Variants in GSG1L observed in about 807,000 individuals in gnomAD.
The protein encoded by GSG1L is GSG1 like, also known as germ cell-specific gene 1-like protein.
Under a neutral mutation model 42.1 loss-of-function variants are expected in GSG1L, and 24 were observed. The observed-to-expected ratio is 0.57, with a 90% CI of 0.41 to 0.80. The LOEUF is 0.80. GSG1L is among the 30% of genes least tolerant of loss of function. The pLI is 0.00. For missense variants in GSG1L, 445 were observed against 472.2 expected (o/e 0.94, Z 0.53); for synonymous variants, 215 against 203.5 (o/e 1.06, Z -0.48).
rs191020452 is a variant in GSG1L, at chr16:27,833,045, C to T, written c.663-4089G>A. The stretch of plus-strand genomic sequence containing the variant: ...GAACTTTTTGCCTAGCCCTAGATTC[C>T]AAAGATTTTCTCTTACTTTTCTAAA... On this transcript the variant is annotated intron_variant, in intron 4 of 6. Coordinates refer to ENST00000447459, the MANE Select transcript of GSG1L (RefSeq NM_001109763.2). Among the ~76,000 whole-genome samples, 4 of 152,244 alleles carry T rather than the reference C, an allele frequency of 2.6e-5. No homozygotes were observed. The East Asian group carries it at 5.8e-4, about 22-fold the overall frequency.
chr16:27,993,786 G>A (rs1019881180), intron 1 of GSG1L, among the ~76,000 whole-genome samples: 4 of 152,178 alleles, frequency 2.6e-5, no homozygotes, highest in Non-Finnish European at 5.9e-5. Context: ...GATAAGAAAG[G>A]CTACACAGAT....
chr16:27,915,439 G>C (rs1326996055), intron 2 of GSG1L, among the ~76,000 whole-genome samples: 4 of 152,146 alleles, frequency 2.6e-5, no homozygotes, highest in Non-Finnish European at 5.9e-5. Context: ...ACAGGGCAGG[G>C]CGCTGAGCAA....
intron 2 of GSG1L, among the ~76,000 whole-genome samples, chr16:27,910,152 G>A (rs979488315): frequency 3.4e-5 from 5 of 145,856 alleles, no homozygotes; most frequent in Non-Finnish European, 6.0e-5. Context: ...TAGTAGACAC[G>A]GGTTTTCACC....
chr16:27,967,647 C>T (rs541734572), intron 1 of GSG1L, among the ~76,000 whole-genome samples: 1 of 152,218 alleles, frequency 6.6e-6, no homozygotes, highest in Non-Finnish European at 1.5e-5. Flanking sequence ...AAGTGTTGGT[C>T]AGGCACGGTG....
chr16:27,979,700 A>AG (rs2085298699), intron 1 of GSG1L, among the ~76,000 whole-genome samples: 1 of 46,568 alleles, frequency 2.1e-5, no homozygotes, highest in African/African-American at 7.4e-5. Flanking sequence ...GGAAGGAAGG[A>AG]AGGAAGGAAG....
intron 1 of GSG1L, among the ~76,000 whole-genome samples, chr16:28,053,907 C>T (rs1316356574): frequency 6.6e-6 from 1 of 152,180 alleles, no homozygotes; most frequent in Non-Finnish European, 1.5e-5. Context: ...CTTCTCATCT[C>T]TCTCTGGGTC....
chr16:27,808,376 T>G (rs1422181414), intron 5 of GSG1L, among the ~76,000 whole-genome samples: 1 of 152,100 alleles, frequency 6.6e-6, no homozygotes. Context: ...CATGAGCCAC[T>G]GTGCTCAGCT....
intron 6 of GSG1L, among the ~76,000 whole-genome samples, chr16:27,803,773 A>ATC (rs2082911955): frequency 1.6e-5 from 1 of 64,218 alleles, no homozygotes; most frequent in Admixed American, 1.8e-4. Flanking sequence ...AGACATATAT[A>ATC]TATATATATA....
chr16:27,916,601 G>C (rs2084458789), intron 2 of GSG1L, among the ~76,000 whole-genome samples: 1 of 151,594 alleles, frequency 6.6e-6, no homozygotes, highest in South Asian at 2.1e-4. Flanking sequence ...GGGACGGCAG[G>C]CATGAACTAC....
At chr16:27,910,789 G>C (rs542884181) in intron 2 of GSG1L, among the ~76,000 whole-genome samples, 210 of 152,314 alleles carry the variant, frequency 1.4e-3, no homozygotes, top group African/African-American at 4.8e-3. Flanking sequence ...CAAGGCAGCA[G>C]GATTGCTTGA....
chr16:27,955,467 G>GA (rs1365592921), intron 2 of GSG1L, among the ~76,000 whole-genome samples: 21 of 151,960 alleles, frequency 1.4e-4, no homozygotes, highest in African/African-American at 3.6e-4. Flanking sequence ...CCAGAGAGGG[G>GA]AAAAAATCAG....
chr16:28,021,609 T>G (rs577258098), intron 1 of GSG1L, among the ~76,000 whole-genome samples: 1 of 152,340 alleles, frequency 6.6e-6, no homozygotes, highest in East Asian at 1.9e-4. Flanking sequence ...AAATAATGCA[T>G]CAATACATTT....
At chr16:27,791,947 C>A (rs1172836370) in intron 6 of GSG1L, among the ~76,000 whole-genome samples, 1 of 152,058 alleles carries the variant, frequency 6.6e-6, no homozygotes, top group Non-Finnish European at 1.5e-5. Flanking sequence ...CCCATGCCCA[C>A]CTGACAGCCA....
chr16:27,876,939 G>A (rs1455411730), intron 3 of GSG1L, among the ~76,000 whole-genome samples: 1 of 152,212 alleles, frequency 6.6e-6, no homozygotes, highest in Non-Finnish European at 1.5e-5. Flanking sequence ...CCCGGAGATG[G>A]ACAGGTTTCT....
intron 2 of GSG1L, among the ~76,000 whole-genome samples, chr16:27,894,465 C>A (rs2084166083): frequency 6.6e-6 from 1 of 152,226 alleles, no homozygotes; most frequent in East Asian, 1.9e-4. Context: ...CAAGAGAAAA[C>A]ACCTTTTTTC....
intron 1 of GSG1L, among the ~76,000 whole-genome samples, chr16:27,985,699 G>A (rs1280758027): frequency 2.0e-5 from 3 of 151,838 alleles, no homozygotes; most frequent in East Asian, 1.9e-4. Context: ...AAAATACAAA[G>A]TTAGCCAGGC....
chr16:27,965,535 C>G (rs1363033004), intron 1 of GSG1L, among the ~76,000 whole-genome samples: 1 of 152,186 alleles, frequency 6.6e-6, no homozygotes, highest in Non-Finnish European at 1.5e-5. Context: ...TCTGCTTACA[C>G]ACACATTAAT....
chr16:27,795,925 T>C (rs71389808), intron 6 of GSG1L, among the ~76,000 whole-genome samples: 5,361 of 152,206 alleles, frequency 0.035, 153 homozygotes, highest in Admixed American at 0.078. Flanking sequence ...CTGAATTGAA[T>C]TAAATCACAT....
chr16:27,802,846 G>A (rs2082899233), intron 6 of GSG1L, among the ~76,000 whole-genome samples: 1 of 151,668 alleles, frequency 6.6e-6, no homozygotes, highest in Non-Finnish European at 1.5e-5. Context: ...TTCAAGATGG[G>A]GTCTTGCTAT....
Sources: allele counts gnomAD v4.1 joint callset (sites outside exome capture counted in the v4.1 genomes callset), GRCh38; gene constraint gnomAD v4.1.1; transcripts MANE v1.5; gene names NCBI Gene and HGNC (gene_info 2026-07-23, HGNC 2026-07-21).